The following SLC67A1 variants were observed in gnomAD, a reference collection of about 807,000 sequenced individuals.
SLC67A1 encodes solute carrier family 67 member A1.
chr11:2,915,236 T>C, the SLC67A1 span: 5 of 985,212 alleles, frequency 5.1e-6, no homozygotes, highest in Admixed American at 6.1e-5. Context: ...GTCCCCTCCT[T>C]GCTCTGGCAA....
the SLC67A1 span, chr11:2,914,838 AG>A: frequency 1.0e-6 from 1 of 985,420 alleles, no homozygotes; most frequent in Non-Finnish European, 1.2e-6. Flanking sequence ...TCCCAAAGAA[AG>A]GGCCCGTCTC....
At chr11:2,922,145 CGGA>C in the SLC67A1 span, 1 of 1,613,570 alleles carries the variant, frequency 6.2e-7, no homozygotes, top group Admixed American at 1.7e-5. Context: ...AGCCACTTCT[CGGA>C]GGAGGTGCTG....
the SLC67A1 span, chr11:2,920,196 GC>G: frequency 6.6e-6 from 1 of 152,330 alleles, no homozygotes. Flanking sequence ...CAGCCTCTGG[GC>G]CCAGGACTAG....
the SLC67A1 span, chr11:2,909,497 T>C: frequency 1.2e-6 from 1 of 863,780 alleles, no homozygotes; most frequent in South Asian, 2.0e-5. Flanking sequence ...ACGTGGGGCG[T>C]GGCTTGTGGA....
At chr11:2,919,361 C>T in the SLC67A1 span, 1 of 1,613,912 alleles carries the variant, frequency 6.2e-7, no homozygotes. Flanking sequence ...CAGCTGGAGG[C>T]CGCCCAAGCT....
the SLC67A1 span, chr11:2,908,242 C>T: frequency 2.4e-5 from 39 of 1,613,514 alleles, 1 homozygote; most frequent in South Asian, 3.0e-4. Flanking sequence ...GTACCTGTCT[C>T]GGAAACTGGG....
the SLC67A1 span, among the ~76,000 whole-genome samples, chr11:2,911,697 C>T: frequency 2.0e-5 from 3 of 152,202 alleles, no homozygotes; most frequent in African/African-American, 4.8e-5. Context: ...TCACCCACAA[C>T]GATGCTGGGA....
chr11:2,903,796 C>T, the SLC67A1 span: 36 of 403,912 alleles, frequency 8.9e-5, no homozygotes, highest in African/African-American at 3.4e-4. Flanking sequence ...GCCTCTCACC[C>T]GGCAGCCTTT....
chr11:2,922,620 TGGGGTGGGC>T, the SLC67A1 span: 28 of 784,644 alleles, frequency 3.6e-5, no homozygotes, highest in Non-Finnish European at 4.0e-5. Context: ...CCGGTGGGGA[TGGGGTGGGC>T]AGCCTAGGGT....
chr11:2,916,805 G>A, the SLC67A1 span: 36 of 1,432,454 alleles, frequency 2.5e-5, no homozygotes, highest in Admixed American at 5.1e-5. Flanking sequence ...CTAGGCCTGC[G>A]TGCTCCAGCC....
At chr11:2,907,511 A>T in the SLC67A1 span, among the ~76,000 whole-genome samples, 1 of 152,216 alleles carries the variant, frequency 6.6e-6, no homozygotes, top group African/African-American at 2.4e-5. The surrounding 1 kb of genome is among the most constrained non-coding windows in gnomAD (Gnocchi z 6.7). Context: ...CACGGGTCAC[A>T]TTAGATCAGG....
At chr11:2,919,215 C>G in the SLC67A1 span, 3 of 884,670 alleles carry the variant, frequency 3.4e-6, no homozygotes, top group South Asian at 4.4e-5. Context: ...GGCCCAGACA[C>G]CCTGATTGGC....
chr11:2,900,838 C>T, the SLC67A1 span, among the ~76,000 whole-genome samples: 37 of 152,214 alleles, frequency 2.4e-4, no homozygotes, highest in Middle Eastern at 3.4e-3. Flanking sequence ...GGAAGCGCAG[C>T]GAGGGCTGTT....
At chr11:2,919,297 C>G in the SLC67A1 span, 21 of 1,607,008 alleles carry the variant, frequency 1.3e-5, no homozygotes, top group East Asian at 2.5e-4. Context: ...GTTCCCCTGC[C>G]CCGGCTCAGG....
At chr11:2,902,793 T>G in the SLC67A1 span, 7 of 954,864 alleles carry the variant, frequency 7.3e-6, no homozygotes, top group East Asian at 8.0e-4. Flanking sequence ...AGAAGCCCCT[T>G]GGAGCTCTGG....
the SLC67A1 span, chr11:2,915,246 A>C: frequency 1.0e-6 from 1 of 985,220 alleles, no homozygotes; most frequent in Non-Finnish European, 1.2e-6. Context: ...TGCTCTGGCA[A>C]ACGGATGCAG....
the SLC67A1 span, chr11:2,919,271 G>C: frequency 6.7e-7 from 1 of 1,498,940 alleles, no homozygotes; most frequent in Non-Finnish European, 9.3e-7. Flanking sequence ...GTCGGGGTGT[G>C]GGGGTACTCA....
chr11:2,909,463 A>T, the SLC67A1 span: 1 of 1,064,580 alleles, frequency 9.4e-7, no homozygotes, highest in Non-Finnish European at 1.1e-6. Flanking sequence ...TCTGGCCCTA[A>T]GGGCTGGACG....
At chr11:2,904,502 A>T in the SLC67A1 span, among the ~76,000 whole-genome samples, 2 of 152,220 alleles carry the variant, frequency 1.3e-5, no homozygotes, top group Non-Finnish European at 2.9e-5. Flanking sequence ...CTCATCATAA[A>T]ATGGGTAATA....
Sources: gnomAD v4.1 joint callset for allele counts (sites outside exome capture counted in the v4.1 genomes callset) on GRCh38, gnomAD v4.1.1 for gene constraint, Gnocchi (gnomAD v3.1) non-coding constraint, MANE v1.5 for transcripts, NCBI Gene and HGNC (gene_info 2026-07-23, HGNC 2026-07-21) for gene names.